FCAR: variants seen among roughly 807,000 people sequenced by gnomAD.
FCAR encodes Fc alpha receptor.
A neutral mutation model predicts 27.1 loss-of-function variants in FCAR; 21 were observed. That is an observed-to-expected ratio of 0.77 (90% CI 0.55 to 1.11). The LOEUF is 1.11. FCAR is among the 50% of genes most tolerant of loss of function. The probability of loss-of-function intolerance (pLI) is 0.00; values close to 1 mark genes in which losing one functional copy is unlikely to be tolerated. For missense variants in FCAR, 404 were observed against 358.4 expected (o/e 1.13, Z -1.03); for synonymous variants, 134 against 135.8 (o/e 0.99, Z 0.09).
At chr19:54,880,598 T>C (rs2066356088) in intron 2 of FCAR, among the ~76,000 whole-genome samples, 1 of 152,328 alleles carries the variant, frequency 6.6e-6, no homozygotes, top group Middle Eastern at 3.4e-3. Flanking sequence ...GTGTGGTAAT[T>C]TGGAGGAAGG....
rs868551254 is a variant in FCAR, at chr19:54,888,115, C to A, written c.470C>A (p.Ser157Ter). 1 of 1,614,120 alleles carries A rather than the reference C, an allele frequency of 6.2e-7. No individual in the cohort carries two copies. The highest frequency in any genetic ancestry group is 2.2e-5 in the East Asian group (1 of 44,876). The change falls in exon 4 of 5, where the codon TCA (serine) becomes TAA (stop). Residue 157 changes from serine to a stop codon, truncating the protein, a stop_gained. Coordinates refer to ENST00000355524, the MANE Select transcript of FCAR (RefSeq NM_002000.4). LOFTEE classifies it high-confidence loss of function. ...GCACACATCCCATTTGATAGATTTT[C>A]ACTGGCCAAGGAGGGAGAACTTTCT... is the stretch of plus-strand genomic sequence containing the variant. ...SSAHIPFDRF[S>*]LAKEGELSLP...
At chr19:54,882,677 G>T (rs372521639) in intron 2 of FCAR, among the ~76,000 whole-genome samples, 6 of 151,998 alleles carry the variant, frequency 3.9e-5, no homozygotes, top group South Asian at 2.1e-4. Flanking sequence ...GACCTCCGGT[G>T]ATCTGCCCAC....
chr19:54,888,036 G>A lies in FCAR; in HGVS notation c.391G>A (p.Asp131Asn). 4 of 1,614,046 alleles carry A rather than the reference G, an allele frequency of 2.5e-6. No individual in the cohort carries two copies. The highest frequency in any genetic ancestry group is 3.4e-6 in the Non-Finnish European group (4 of 1,179,904). ...GTATGGCAAACCCTTCCTCTCTGCA[G>A]ATCGGGGTCTGGTGTTGATGCCAGG... ...GLYGKPFLSADRGLVLMPGEN... is the reference protein window; with the variant it reads ...GLYGKPFLSANRGLVLMPGEN... The change falls in exon 4 of 5, where the codon GAT (aspartate) becomes AAT (asparagine). Residue 131 changes from aspartate (D) to asparagine (N), a missense_variant. Physicochemically the swap from Asp to Asn is conservative, Grantham distance 23. Coordinates refer to ENST00000355524, the MANE Select transcript of FCAR (RefSeq NM_002000.4).
intron 4 of FCAR, chr19:54,888,814 C>T (rs1012341809): frequency 3.0e-5 from 30 of 992,944 alleles, no homozygotes; most frequent in Admixed American, 5.7e-5. Flanking sequence ...CCAGGCTGCA[C>T]ACATTCTTAT....
chr19:54,882,954 G>T (rs2066506453), intron 2 of FCAR, among the ~76,000 whole-genome samples: 1 of 152,094 alleles, frequency 6.6e-6, no homozygotes, highest in Admixed American at 6.6e-5. Context: ...ACTTAAAAGG[G>T]TTGGCCAGCA....
intron 2 of FCAR, among the ~76,000 whole-genome samples, chr19:54,879,200 C>A (rs2066276507): frequency 6.6e-6 from 1 of 152,138 alleles, no homozygotes; most frequent in Non-Finnish European, 1.5e-5. Context: ...TCCAACTTGC[C>A]ACTCTCTGCA....
At chr19:54,880,283 G>C (rs1214941491) in intron 2 of FCAR, among the ~76,000 whole-genome samples, 1 of 152,072 alleles carries the variant, frequency 6.6e-6, no homozygotes. Flanking sequence ...TTGTCTGACT[G>C]AATTAGTTCA....
intron 2 of FCAR, among the ~76,000 whole-genome samples, chr19:54,882,978 C>A (rs587694139): frequency 2.0e-5 from 3 of 151,986 alleles, no homozygotes; most frequent in African/African-American, 7.2e-5. Flanking sequence ...AGGATCTTAG[C>A]CACAAGGCTC....
At chr19:54,883,256 A>G (rs587664094) in intron 2 of FCAR, among the ~76,000 whole-genome samples, 32 of 151,964 alleles carry the variant, frequency 2.1e-4, no homozygotes, top group African/African-American at 7.5e-4. Flanking sequence ...GGCTCAAGCA[A>G]TCTGCCTGCC....
intron 4 of FCAR, chr19:54,888,896 A>G: frequency 1.0e-6 from 1 of 985,438 alleles, no homozygotes; most frequent in Non-Finnish European, 1.2e-6. Context: ...GTGAGGAGAG[A>G]ATGAAAAGAA....
intron 2 of FCAR, among the ~76,000 whole-genome samples, chr19:54,878,014 C>G (rs963448171): frequency 2.0e-5 from 3 of 150,528 alleles, no homozygotes; most frequent in Non-Finnish European, 4.4e-5. Context: ...CTCCCAGGTT[C>G]ACACCATTCT....
rs772177498 is a variant in FCAR at position 54,888,334 on chromosome 19, G to A, written c.649+40G>A. The A allele has an allele frequency of 2.5e-6, 4 of 1,606,884 alleles. No homozygotes were observed. In the Middle Eastern group the frequency reaches 5.0e-4, roughly 199 times the overall value. On this transcript the variant is annotated intron_variant, in intron 4 of 4. Coordinates refer to ENST00000355524, the MANE Select transcript of FCAR (RefSeq NM_002000.4). ...GTCCAGCCCTGTGTCTGGGTTGGCT[G>A]TCCAGGGCCTTGCCACCGGGCAGGA...
intron 4 of FCAR, chr19:54,888,529 C>T (rs1027587586): frequency 7.4e-7 from 1 of 1,359,844 alleles, no homozygotes; most frequent in African/African-American, 1.5e-5. Flanking sequence ...AGGGCTAACT[C>T]AGTTTGTTTC....
rs2066989787 is a variant in FCAR at position 54,889,975 on chromosome 19, T to C, written c.*112T>C. 2 of 796,792 alleles carry C rather than the reference T, an allele frequency of 2.5e-6. No homozygotes were observed. Among genetic ancestry groups the C allele is most frequent in the Non-Finnish European group, 4.0e-6 (2 of 499,978 alleles). 49.4% of individuals were successfully genotyped at this position (796,792 alleles called of 1,614,324 possible). ...GAAGCTTGAATCTACTTTTTTTTTT[T>C]TTTGAGACAGAGTCTGGCTCTGTCA... On this transcript the variant is annotated 3_prime_UTR_variant, in exon 5 of 5. Coordinates refer to ENST00000355524, the MANE Select transcript of FCAR (RefSeq NM_002000.4).
intron 2 of FCAR, among the ~76,000 whole-genome samples, chr19:54,881,300 G>A (rs1331252598): frequency 6.6e-6 from 1 of 152,130 alleles, no homozygotes; most frequent in African/African-American, 2.4e-5. Flanking sequence ...GCAGTTTGCC[G>A]GAGGTGTGGT....
At chr19:54,874,723 G>A (rs2065996508) in intron 1 of FCAR, among the ~76,000 whole-genome samples, 2 of 152,062 alleles carry the variant, frequency 1.3e-5, no homozygotes, top group South Asian at 4.1e-4. Flanking sequence ...GAAGATTTTT[G>A]CATTTATGTT....
chr19:54,876,634 T>C (rs1344093784), intron 2 of FCAR, among the ~76,000 whole-genome samples: 2 of 152,080 alleles, frequency 1.3e-5, no homozygotes, highest in Non-Finnish European at 2.9e-5. Context: ...GATTTGTGTA[T>C]ATTGGCCGGG....
chr19:54,875,209 G>A (rs2066025667), intron 1 of FCAR, 121 bp from the exon 2 acceptor site: 5 of 729,718 alleles, frequency 6.9e-6, no homozygotes, highest in Non-Finnish European at 7.0e-6. Flanking sequence ...TTATATATCT[G>A]GTGGGATTGA....
chr19:54,874,357 A>C lies in FCAR; in HGVS notation c.34+34A>C, dbSNP rs750032479. 8 of 1,608,802 alleles carry C rather than the reference A, an allele frequency of 5.0e-6. No homozygotes were observed. The African/African-American group carries it at 1.1e-4, about 22-fold the overall frequency. On this transcript the variant is annotated intron_variant, in intron 1 of 4. Transcript: ENST00000355524. ...CAGAGTAAAAGTGGGTTAGAGGGGA[A>C]GATAGAGAAATCCCAAAATAATCAG...
Sources: allele counts gnomAD v4.1 joint callset (sites outside exome capture counted in the v4.1 genomes callset), GRCh38; gene constraint gnomAD v4.1.1; transcripts MANE v1.5; gene names NCBI Gene and HGNC (gene_info 2026-07-23, HGNC 2026-07-21).